TRANK1: variants seen among roughly 807,000 people sequenced by gnomAD.
The protein encoded by TRANK1 is tetratricopeptide repeat and ankyrin repeat containing 1.
TRANK1 carries 198 observed loss-of-function variants against 266.0 expected under a neutral mutation model. The observed-to-expected ratio is 0.74, with a 90% confidence interval of 0.66 to 0.84. The LOEUF is 0.84. TRANK1 is among the 40% of genes least tolerant of loss of function. The pLI is 0.00. For synonymous variants in TRANK1, 1,396 were observed against 1,384.1 expected (o/e 1.01, Z -0.19); for missense variants, 3,326 against 3,634.6 (o/e 0.92, Z 2.18).
At position 36,831,025 on chromosome 3, in the gene TRANK1, T is replaced by C. The variant is rs1378228861; in HGVS notation, c.8558A>G (p.Lys2853Arg). 1 of 1,614,008 alleles carries C rather than the reference T, an allele frequency of 6.2e-7. No homozygotes were observed. The highest frequency in any genetic ancestry group is 8.5e-7 in the Non-Finnish European group (1 of 1,179,892). The change falls in exon 22 of 24, where the codon AAG (lysine) becomes AGG (arginine). Residue 2853 changes from lysine (K) to arginine (R), a missense_variant. Physicochemically the swap from Lys to Arg is conservative, Grantham distance 26 (BLOSUM62 2). Coordinates refer to ENST00000645898, the MANE Select transcript of TRANK1 (RefSeq NM_001329998.2). The surrounding 1 kb of genome is among the most constrained non-coding windows in gnomAD (Gnocchi z 5.0). ...TTGCTCGATGTCCTGCACCACCAGCTTGCCTTCATCAATGGCCGGGTCCAC... is the reference window on the plus strand; with the variant it reads ...TTGCTCGATGTCCTGCACCACCAGCCTGCCTTCATCAATGGCCGGGTCCAC... ...EKVDPAIDEG[K>R]LVVQDIEQSV...
chr3:36,932,877 GA>G (rs2080378399), intron 1 of TRANK1, among the ~76,000 whole-genome samples: 1 of 152,088 alleles, frequency 6.6e-6, no homozygotes, highest in Non-Finnish European at 1.5e-5. Flanking sequence ...GCAGCCCTAA[GA>G]AACTAATACA....
At chr3:36,871,705 C>T (rs2079312654) in intron 9 of TRANK1, among the ~76,000 whole-genome samples, 1 of 152,130 alleles carries the variant, frequency 6.6e-6, no homozygotes, top group Non-Finnish European at 1.5e-5. Flanking sequence ...AGGGCTCTAC[C>T]CCTCTCTCCT....
At chr3:36,859,270 C>CTT (rs1218580414) in intron 11 of TRANK1, among the ~76,000 whole-genome samples, 1 of 143,268 alleles carries the variant, frequency 7.0e-6, no homozygotes, top group Non-Finnish European at 1.5e-5. Context: ...TCCCTTGCTT[C>CTT]TTTTTTTTTT....
At position 36,851,049 on chromosome 3, in the gene TRANK1, T is replaced by C. The variant is rs114715373; in HGVS notation, c.4887+670A>G. 4.7e-4 allele frequency: 461 copies of C among 985,556 alleles called. 2 individuals are homozygous for C. In the African/African-American group the frequency reaches 6.8e-3, roughly 15 times the overall value. The allele number at this position is 985,556 out of a possible 1,614,324, so 61.1% of individuals were successfully genotyped here. A position where few individuals can be genotyped will look rare whatever the true frequency, so the allele number is the denominator to read the frequency against. Reference sequence around the variant, plus strand: ...AAAACCCAGGACAACGGCTGTGAGTTGGTAGCTCTACCCATAATGAACTAA... The same window carrying C: ...AAAACCCAGGACAACGGCTGTGAGTCGGTAGCTCTACCCATAATGAACTAA... On this transcript the variant is annotated intron_variant, in intron 15 of 23. Transcript: ENST00000645898.
intron 3 of TRANK1, among the ~76,000 whole-genome samples, chr3:36,900,013 C>T (rs911777026): frequency 6.6e-6 from 1 of 152,166 alleles, no homozygotes; most frequent in Non-Finnish European, 1.5e-5. Context: ...GTGTGCACCA[C>T]CATGCCCAGA....
Position 36,858,862 on chromosome 3 carries a change from T to C in TRANK1, c.1528A>G (p.Arg510Gly). ...TGTTTCAGGCACGTGACAACTGGCC[T>C]CTCCTGGCTCTCCTGAAGACCATCA... ...LPDGLQESQERPVVTCLKHED... is the reference protein window; with the variant it reads ...LPDGLQESQEGPVVTCLKHED... The change falls in exon 12 of 24, where the codon AGG (arginine) becomes GGG (glycine). Residue 510 changes from arginine (R) to glycine (G), a missense_variant. Coordinates refer to ENST00000645898, the MANE Select transcript of TRANK1 (RefSeq NM_001329998.2). 1 of 1,536,720 alleles carries C rather than the reference T, an allele frequency of 6.5e-7. No homozygotes were observed. The highest frequency in any genetic ancestry group is 2.4e-5 in the East Asian group (1 of 40,918).
intron 1 of TRANK1, among the ~76,000 whole-genome samples, chr3:36,917,517 G>A (rs2080143329): frequency 6.6e-6 from 1 of 152,168 alleles, no homozygotes; most frequent in African/African-American, 2.4e-5. Flanking sequence ...CCAGGACCAG[G>A]AAAGATCAAG....
chr3:36,847,286 CCT>C lies in TRANK1; in HGVS notation c.4946_4947del (p.Glu1649GlyfsTer7). On this transcript the variant is annotated frameshift_variant, in exon 16 of 24. Transcript: ENST00000645898. LOFTEE classifies it high-confidence loss of function. Reference sequence around the variant, plus strand: ...GGTACTTCAACCAATGGCCGGTTTTCCTCTCTGGAGTCAGTTGAGGTAGGTGT... The same window carrying C: ...GGTACTTCAACCAATGGCCGGTTTTCCTCTGGAGTCAGTTGAGGTAGGTGT... ...SFTPTSTDSR[E>X]ENRPLVEVPL... The C allele has an allele frequency of 6.2e-7, 1 of 1,613,642 alleles. No individual in the cohort carries two copies. The highest frequency in any genetic ancestry group is 8.5e-7 in the Non-Finnish European group (1 of 1,179,768).
In TRANK1 at chr3:36,830,979, G is replaced by A. The variant is rs778118334; in HGVS notation, c.8604C>T (p.His2868=). 8 of 1,613,894 alleles carry A rather than the reference G, an allele frequency of 5.0e-6. No homozygotes were observed. Among genetic ancestry groups the A allele is most frequent in the African/African-American group, 2.7e-5 (2 of 74,932 alleles). ...DIEQSVWIHS[H]VGSKEHSHML... ...TGTGGCTGTGCTCCTTGGAGCCCAC[G>A]TGACTGTGGATCCATACACTTTGCT... The change falls in exon 22 of 24, where the codon CAC becomes CAT. Residue 2868 remains histidine, a synonymous_variant. Transcript: ENST00000645898.
chr3:36,941,100 C>T (rs913830029), intron 1 of TRANK1, among the ~76,000 whole-genome samples: 2 of 152,108 alleles, frequency 1.3e-5, no homozygotes, highest in African/African-American at 4.8e-5. Flanking sequence ...CATTCTTGCC[C>T]CAGTGAATGA....
chr3:36,888,097 G>A (rs781085727), intron 8 of TRANK1, among the ~76,000 whole-genome samples: 8 of 152,108 alleles, frequency 5.3e-5, no homozygotes, highest in South Asian at 4.1e-4. Context: ...CAACCCAAAC[G>A]CCCATCAACT....
intron 9 of TRANK1, among the ~76,000 whole-genome samples, chr3:36,865,563 A>G (rs977379697): frequency 1.3e-5 from 2 of 152,014 alleles, no homozygotes; most frequent in African/African-American, 4.8e-5. Context: ...TATTTGATAA[A>G]GTAGTCATGA....
At position 36,832,726 on chromosome 3, in the gene TRANK1, G is replaced by A. The variant is rs1257441202; in HGVS notation, c.6857C>T (p.Pro2286Leu). ...TTTGAGGATTTCTTTGCATGCCATG[G>A]GGTTTTCTGACAACACTCTCTGATG... ...HFHQRVLSEN[P>L]MACKEILKPN... Residue 2286 changes from proline to leucine, a missense_variant, in exon 22 of 24, where the codon CCC (proline) becomes CTC (leucine). Transcript: ENST00000645898. 6.2e-7 allele frequency: 1 copy of A among 1,614,008 alleles called. No individual in the cohort carries two copies.
chr3:36,898,382 G>T (rs1244342335), intron 4 of TRANK1, among the ~76,000 whole-genome samples: 1 of 151,780 alleles, frequency 6.6e-6, no homozygotes, highest in Non-Finnish European at 1.5e-5. Flanking sequence ...CTGGGAGACA[G>T]AGGTTGCAGT....
chr3:36,832,251 T>G lies in TRANK1; in HGVS notation c.7332A>C (p.Pro2444=). 4.3e-6 allele frequency: 7 copies of G among 1,613,898 alleles called. No homozygotes were observed. Among genetic ancestry groups the G allele is most frequent in the Non-Finnish European group, 5.1e-6 (6 of 1,179,890 alleles). The change falls in exon 22 of 24, where the codon CCA becomes CCC. Residue 2444 remains proline, a synonymous_variant. Transcript: ENST00000645898. ...CTGTGTTTCCAATGCTGGGGATGAG[T>G]GGTTCTTTGCACCTCTTGATGAGGA... The part of the protein sequence containing the change: ...MNVLIKRCKE[P]LIPSIGNTVA...
At position 36,886,534 on chromosome 3, in the gene TRANK1, G is replaced by T. The variant is rs375361134; in HGVS notation, c.907+3295C>A. ...CAGTTTAGAGTGTAAGCCACATATG[G>T]CTATAGAGCACTTGAAATGCATGAT... On this transcript the variant is annotated intron_variant, in intron 8 of 23. Coordinates refer to ENST00000645898, the MANE Select transcript of TRANK1 (RefSeq NM_001329998.2). 3.2e-4 allele frequency among the ~76,000 whole-genome samples: 49 copies of T among 152,210 alleles called. 1 individual carries two copies. Among genetic ancestry groups the T allele is most frequent in the African/African-American group, 1.2e-3 (48 of 41,540 alleles).
intron 8 of TRANK1, 101 bp from the exon 9 acceptor site, chr3:36,874,397 G>T: frequency 7.7e-7 from 1 of 1,304,736 alleles, no homozygotes; most frequent in Non-Finnish European, 1.0e-6. Context: ...GCAGCCCAGG[G>T]CAAGAGGACT....
rs544799542 is a variant in TRANK1, at chr3:36,846,107, G to C, written c.5191+141C>G. ...CTTTCCCATGCACCTTGGCAAATGT[G>C]TAACAACTTCCATTTCTCAGAAGAT... On this transcript the variant is annotated intron_variant, in intron 17 of 23. Coordinates refer to ENST00000645898, the MANE Select transcript of TRANK1 (RefSeq NM_001329998.2). 6 of 965,682 alleles carry C rather than the reference G, an allele frequency of 6.2e-6. No homozygotes were observed. In the East Asian group the frequency reaches 1.1e-4, roughly 17 times the overall value. 59.8% of individuals were successfully genotyped at this position (965,682 alleles called of 1,614,324 possible). A position where few individuals can be genotyped will look rare whatever the true frequency, so the allele number is the denominator to read the frequency against.
At chr3:36,927,743 ATAATAAG>A (rs2080307832) in intron 1 of TRANK1, among the ~76,000 whole-genome samples, 2 of 152,204 alleles carry the variant, frequency 1.3e-5, no homozygotes, top group Non-Finnish European at 2.9e-5. Context: ...TCCACATAGA[ATAATAAG>A]CCAGATGCAA....
Sources: gnomAD v4.1 joint callset for allele counts (sites outside exome capture counted in the v4.1 genomes callset) on GRCh38, gnomAD v4.1.1 for gene constraint, Gnocchi (gnomAD v3.1) non-coding constraint, MANE v1.5 for transcripts, NCBI Gene and HGNC (gene_info 2026-07-23, HGNC 2026-07-21) for gene names.